The following ANKRD50 variants were observed in gnomAD, a reference collection of about 807,000 sequenced individuals.
ANKRD50 encodes the protein ankyrin repeat domain-containing protein 50.
Under a neutral mutation model 112.0 loss-of-function variants are expected in ANKRD50, and 40 were observed. The observed-to-expected ratio is 0.36, with a 90% confidence interval of 0.28 to 0.46. The LOEUF (loss-of-function observed/expected upper bound fraction) is 0.46. Ranked by LOEUF, ANKRD50 falls within the 20% of genes least tolerant of loss-of-function variation. The pLI is 1.00. For synonymous variants in ANKRD50, 613 were observed against 619.1 expected, an observed-to-expected ratio of 0.99 and a Z score of 0.15; for missense variants, 1,487 against 1,701.7, an observed-to-expected ratio of 0.87 and a Z score of 2.22.
In ANKRD50 at chr4:124,671,327, T is replaced by C. The variant is rs776546420; in HGVS notation, c.1950A>G (p.Ala650=). Residue 650 remains alanine, a synonymous_variant, in exon 4 of 5, where the codon GCA becomes GCG. Coordinates refer to ENST00000504087, the MANE Select transcript of ANKRD50 (RefSeq NM_020337.3). Reference sequence around the variant, plus strand: ...TATCCTCGTGTCCTCCCCATGCTGCTGCTCTCAAAGCTGTTCGGCTATCAG... The same window carrying C: ...TATCCTCGTGTCCTCCCCATGCTGCCGCTCTCAAAGCTGTTCGGCTATCAG... ...ADADSRTALR[A]AAWGGHEDIV... 16 of 1,613,760 alleles carry C rather than the reference T, an allele frequency of 9.9e-6. No homozygotes were observed. In the East Asian group the frequency reaches 3.6e-4, roughly 36 times the overall value.
chr4:124,683,841 T>A (rs550691848), intron 2 of ANKRD50, among the ~76,000 whole-genome samples: 1 of 150,866 alleles, frequency 6.6e-6, no homozygotes, highest in African/African-American at 2.4e-5. Context: ...TTTTGAAAGG[T>A]TTTTTTTGGA....
chr4:124,705,543 C>T (rs1725486126), intron 2 of ANKRD50, among the ~76,000 whole-genome samples: 1 of 152,068 alleles, frequency 6.6e-6, no homozygotes, highest in Admixed American at 6.6e-5. Context: ...ACACTAAGAA[C>T]AAAAATTTGT....
chr4:124,681,300 C>A (rs549514364), intron 2 of ANKRD50, among the ~76,000 whole-genome samples: 13 of 152,316 alleles, frequency 8.5e-5, no homozygotes, highest in African/African-American at 3.1e-4. Flanking sequence ...TTATAATACT[C>A]ATTTCCAGGA....
In ANKRD50 at chr4:124,670,585, T is replaced by A; in HGVS notation, c.2692A>T (p.Ile898Leu). The A allele has an allele frequency of 2.5e-6, 4 of 1,613,038 alleles. No individual in the cohort carries two copies. The South Asian group carries it at 4.4e-5, about 18-fold the overall frequency. Residue 898 changes from isoleucine to leucine, a missense_variant, in exon 4 of 5, where the codon ATA becomes TTA. By Grantham distance (5) the Ile-to-Leu change is conservative. This residue lies in a region of ANKRD50 where 1,046 missense variants were observed against 1,269.5 expected (regional missense o/e 0.82). Coordinates refer to ENST00000504087, the MANE Select transcript of ANKRD50 (RefSeq NM_020337.3). Reference sequence around the variant, plus strand: ...ATGTTGGATTTGTTTTCCAGTAATATTTGAACACAATCATAATGACCCTCT... The same window carrying A: ...ATGTTGGATTTGTTTTCCAGTAATAATTGAACACAATCATAATGACCCTCT... Reference protein sequence around the residue: ...SQEGHYDCVQILLENKSNIDQ... With the variant: ...SQEGHYDCVQLLLENKSNIDQ...
chr4:124,690,431 T>G (rs1417936612), intron 2 of ANKRD50, among the ~76,000 whole-genome samples: 2 of 152,208 alleles, frequency 1.3e-5, no homozygotes, highest in Non-Finnish European at 2.9e-5. Flanking sequence ...GCAAATCTTC[T>G]GAGAAAAGTC....
At chr4:124,699,347 T>C (rs557612220) in intron 2 of ANKRD50, among the ~76,000 whole-genome samples, 15 of 152,210 alleles carry the variant, frequency 9.9e-5, no homozygotes, top group Middle Eastern at 3.4e-3. Context: ...ATGAAAACAA[T>C]CTATTATTTC....
In ANKRD50 at chr4:124,667,233, A is replaced by G. The variant is rs1447524076; in HGVS notation, c.*285T>C. On this transcript the variant is annotated 3_prime_UTR_variant, in exon 5 of 5. Coordinates refer to ENST00000504087, the MANE Select transcript of ANKRD50 (RefSeq NM_020337.3). ...CTTAAAATACTCAAATTTTCTTTTC[A>G]GCTTTTATCAGGGAACTGCAGTATG... 6.6e-6 allele frequency: 1 copy of G among 152,014 alleles called. No homozygotes were observed. Among genetic ancestry groups the G allele is most frequent in the African/African-American group, 2.4e-5 (1 of 41,430 alleles). 9.4% of individuals were successfully genotyped at this position (152,014 alleles called of 1,614,324 possible).
rs141363453 is a variant in ANKRD50 at position 124,673,674 on chromosome 4, T to A, written c.743-1140A>T. Reference sequence around the variant, plus strand: ...TAACTTGTGGCTCTGCCAACAGGACTGAAAAAGAGACCAGTGAAGGACAAA... The same window carrying A: ...TAACTTGTGGCTCTGCCAACAGGACAGAAAAAGAGACCAGTGAAGGACAAA... On this transcript the variant is annotated intron_variant, in intron 3 of 4. Coordinates refer to ENST00000504087, the MANE Select transcript of ANKRD50 (RefSeq NM_020337.3). 3.6e-3 allele frequency among the ~76,000 whole-genome samples: 548 copies of A among 152,126 alleles called. 5 individuals are homozygous for A. The highest frequency in any genetic ancestry group is 0.013 in the African/African-American group (525 of 41,530).
At chr4:124,697,997 T>C (rs140991268) in intron 2 of ANKRD50, among the ~76,000 whole-genome samples, 201 of 152,246 alleles carry the variant, frequency 1.3e-3, no homozygotes, top group African/African-American at 3.8e-3. Context: ...AAACAAACAA[T>C]AGTAAATATA....
At chr4:124,707,294 A>G (rs1036833894) in intron 2 of ANKRD50, among the ~76,000 whole-genome samples, 11 of 152,068 alleles carry the variant, frequency 7.2e-5, no homozygotes, top group African/African-American at 2.7e-4. Flanking sequence ...CCATGCCTAA[A>G]TAAAATACGT....
intron 2 of ANKRD50, among the ~76,000 whole-genome samples, chr4:124,680,302 G>A (rs1472249899): frequency 6.6e-6 from 1 of 152,120 alleles, no homozygotes; most frequent in African/African-American, 2.4e-5. Context: ...TGACATTGTT[G>A]CAAGCTAGAA....
At chr4:124,689,849 A>C (rs1725093931) in intron 2 of ANKRD50, among the ~76,000 whole-genome samples, 1 of 152,212 alleles carries the variant, frequency 6.6e-6, no homozygotes, top group Non-Finnish European at 1.5e-5. Flanking sequence ...GTTTGTCTAG[A>C]GAATCATAAT....
At position 124,664,835 on chromosome 4, in the gene ANKRD50, T is replaced by C. The variant is rs1730451735; in HGVS notation, c.*2683A>G. On this transcript the variant is annotated 3_prime_UTR_variant, in exon 5 of 5. Transcript: ENST00000504087. ...AAAAATTATTGGCTGTACTTTGCAG[T>C]ACGCACTGATTTCAGGTCATTTTTC... The C allele has an allele frequency of 6.6e-6, 1 of 152,006 alleles. No homozygotes were observed. The highest frequency in any genetic ancestry group is 2.4e-5 in the African/African-American group (1 of 41,428). The allele number at this position is 152,006 out of a possible 1,614,324, so 9.4% of individuals were successfully genotyped here.
At chr4:124,706,780 A>G (rs939527815) in intron 2 of ANKRD50, among the ~76,000 whole-genome samples, 20 of 152,082 alleles carry the variant, frequency 1.3e-4, no homozygotes, top group Admixed American at 3.9e-4. Flanking sequence ...ACCAAACATC[A>G]TCGCTTAGCC....
rs1205340545 is a variant in ANKRD50 at position 124,678,658 on chromosome 4, G to C, written c.742+18C>G. 1 of 1,595,334 alleles carries C rather than the reference G, an allele frequency of 6.3e-7. No homozygotes were observed. Among genetic ancestry groups the C allele is most frequent in the South Asian group, 1.1e-5 (1 of 90,088 alleles). ...TAATGAAAAGCATTTAAGGATGGCA[G>C]TAAGTAATTATGCTTACCAGTAAAC... On this transcript the variant is annotated intron_variant, in intron 3 of 4. Transcript: ENST00000504087.
rs1301586290 is a variant in ANKRD50 at position 124,665,008 on chromosome 4, T to C, written c.*2510A>G. ...ATAAGCACATGCCATCATAGTTGTG[T>C]AGTGGCAACAGCTGATTTATAAAAT... On this transcript the variant is annotated 3_prime_UTR_variant, in exon 5 of 5. Coordinates refer to ENST00000504087, the MANE Select transcript of ANKRD50 (RefSeq NM_020337.3). The C allele has an allele frequency of 6.6e-6, 1 of 151,944 alleles. No individual in the cohort carries two copies. Among genetic ancestry groups the C allele is most frequent in the Non-Finnish European group, 1.5e-5 (1 of 67,870 alleles). 9.4% of individuals were successfully genotyped at this position (151,944 alleles called of 1,614,324 possible).
intron 3 of ANKRD50, among the ~76,000 whole-genome samples, chr4:124,677,319 T>C (rs35333384): frequency 0.18 from 27,568 of 151,674 alleles, 2,605 homozygotes; most frequent in South Asian, 0.24. Flanking sequence ...TGCACAAGAA[T>C]ACATGAACAA....
Position 124,667,045 on chromosome 4 carries a change from C to T in ANKRD50, c.*473G>A, listed in dbSNP as rs764554426. 5.3e-5 allele frequency: 8 copies of T among 151,722 alleles called. No individual in the cohort carries two copies. Among genetic ancestry groups the T allele is most frequent in the African/African-American group, 1.7e-4 (7 of 41,338 alleles). 9.4% of individuals were successfully genotyped at this position (151,722 alleles called of 1,614,324 possible). A position where few individuals can be genotyped will look rare whatever the true frequency, so the allele number is the denominator to read the frequency against. The stretch of plus-strand genomic sequence containing the variant: ...CAAGATTTGTTTTATTGAGCAACGT[C>T]TTTAAAGATACAAGAAACAGGCCAT... On this transcript the variant is annotated 3_prime_UTR_variant, in exon 5 of 5. Transcript: ENST00000504087.
intron 3 of ANKRD50, among the ~76,000 whole-genome samples, chr4:124,673,405 A>G (rs1330123350): frequency 6.6e-6 from 1 of 152,130 alleles, no homozygotes; most frequent in East Asian, 1.9e-4. Flanking sequence ...GGAATATTCT[A>G]ACATCTAAAG....
Sources: gnomAD v4.1 joint callset for allele counts (sites outside exome capture counted in the v4.1 genomes callset) on GRCh38, gnomAD v4.1.1 for gene constraint, gnomAD v4.1.1 regional missense constraint, MANE v1.5 for transcripts, NCBI Gene and HGNC (gene_info 2026-07-23, HGNC 2026-07-21) for gene names.